Variants in WDR17 observed in about 807,000 individuals in gnomAD.
WDR17 encodes the protein WD repeat-containing protein 17.
A neutral mutation model predicts 161.7 loss-of-function variants in WDR17; 143 were observed. The observed-to-expected ratio is 0.88, with a 90% CI of 0.77 to 1.02. The LOEUF (loss-of-function observed/expected upper bound fraction) is 1.02, where lower values mean the gene tolerates loss of function less well. Ranked by LOEUF, WDR17 falls within the 50% of genes least tolerant of loss-of-function variation. The pLI, the probability that WDR17 is intolerant of heterozygous loss-of-function variation, is 0.00. For synonymous variants in WDR17, 517 were observed against 515.6 expected (o/e 1.00, Z -0.04); for missense variants, 1,469 against 1,520.9 (o/e 0.97, Z 0.57).
At chr4:176,066,648 C>A (rs915642570) in intron 1 of WDR17, among the ~76,000 whole-genome samples, 9 of 152,044 alleles carry the variant, frequency 5.9e-5, no homozygotes, top group African/African-American at 2.4e-5. Context: ...TTGAAAGGAA[C>A]AAACAATTTA....
At chr4:176,082,573 C>T (rs1218589411) in intron 1 of WDR17, among the ~76,000 whole-genome samples, 1 of 152,030 alleles carries the variant, frequency 6.6e-6, no homozygotes, top group African/African-American at 2.4e-5. Context: ...AACCCTTGTC[C>T]TTAACGATCC....
intron 1 of WDR17, among the ~76,000 whole-genome samples, chr4:176,077,891 G>T (rs1397365686): frequency 6.6e-6 from 1 of 152,038 alleles, no homozygotes; most frequent in Non-Finnish European, 1.5e-5. Flanking sequence ...GTCCACAGAA[G>T]AGAAAGGTTC....
intron 5 of WDR17, among the ~76,000 whole-genome samples, chr4:176,128,502 C>T (rs889023776): frequency 2.6e-5 from 4 of 151,794 alleles, no homozygotes; most frequent in Admixed American, 6.6e-5. Flanking sequence ...CAAAACAGGC[C>T]GTTTCTAAAC....
At chr4:176,074,784 C>T (rs888495232) in intron 1 of WDR17, among the ~76,000 whole-genome samples, 1 of 137,106 alleles carries the variant, frequency 7.3e-6, no homozygotes, top group South Asian at 2.4e-4. Context: ...AATAAAAGCT[C>T]TGGGCATGCG....
chr4:176,168,759 A>C lies in WDR17; in HGVS notation c.3078A>C (p.Glu1026Asp), dbSNP rs1750259727. 1 of 1,612,244 alleles carries C rather than the reference A, an allele frequency of 6.2e-7. No individual in the cohort carries two copies. Among genetic ancestry groups the C allele is most frequent in the African/African-American group, 1.3e-5 (1 of 74,870 alleles). ...GTGCTTTCTACCCAGGATGTACTGA[A>C]GAGATAAATGACCTTCATGATAAGG... The part of the protein sequence containing the change: ...KLCAFYPGCT[E>D]EINDLHDKCK... The change falls in exon 23 of 29, where the codon GAA (glutamate) becomes GAC (aspartate). Residue 1026 changes from glutamate to aspartate, a missense_variant. Physicochemically the swap from Glu to Asp is conservative, Grantham distance 45. Transcript: ENST00000508596.
chr4:176,096,837 T>C (rs1185187454), intron 1 of WDR17, among the ~76,000 whole-genome samples: 5 of 151,726 alleles, frequency 3.3e-5, no homozygotes. Flanking sequence ...TCAAATTCTC[T>C]TAGGCTTTAA....
chr4:176,159,825 A>G (rs935268973), intron 18 of WDR17, among the ~76,000 whole-genome samples, 169 bp from the exon 19 acceptor site: 5 of 152,230 alleles, frequency 3.3e-5, no homozygotes, highest in Non-Finnish European at 7.3e-5. Context: ...TACAACTTTT[A>G]TCTGCCTTCC....
chr4:176,100,491 T>C (rs1737646541), intron 1 of WDR17, among the ~76,000 whole-genome samples: 1 of 152,146 alleles, frequency 6.6e-6, no homozygotes, highest in Non-Finnish European at 1.5e-5. Context: ...ATTAGTCCCC[T>C]GTTGGATGAA....
chr4:176,162,154 C>A lies in WDR17; in HGVS notation c.2830C>A (p.Leu944Ile). ...AGCAGTACTAGCCGCATGTTGCCAT[C>A]TTGCCATAGATAATATTGAGGTACG... ...GRAVLAACCH[L>I]AIDNIELAMA... The change falls in exon 21 of 29, where the codon CTT becomes ATT. Residue 944 changes from leucine to isoleucine, a missense_variant. By Grantham distance (5) the Leu-to-Ile change is conservative. Transcript: ENST00000508596. 1 of 1,612,748 alleles carries A rather than the reference C, an allele frequency of 6.2e-7. No individual in the cohort carries two copies. Among genetic ancestry groups the A allele is most frequent in the Non-Finnish European group, 8.5e-7 (1 of 1,179,282 alleles).
chr4:176,148,650 C>T (rs568369096), intron 13 of WDR17, among the ~76,000 whole-genome samples: 1 of 152,290 alleles, frequency 6.6e-6, no homozygotes, highest in East Asian at 1.9e-4. Context: ...GGCATATATA[C>T]ATGTATGGCT....
intron 1 of WDR17, among the ~76,000 whole-genome samples, chr4:176,073,820 C>T (rs1470860064): frequency 1.3e-5 from 2 of 152,092 alleles, no homozygotes; most frequent in Admixed American, 6.5e-5. Context: ...GATGGTATGT[C>T]ATTGTGGTTT....
intron 17 of WDR17, 45 bp from the exon 18 acceptor site, chr4:176,156,034 C>T: frequency 6.3e-7 from 1 of 1,588,784 alleles, no homozygotes; most frequent in Non-Finnish European, 8.6e-7. Flanking sequence ...TTACACAGAG[C>T]AACCAAAATT....
In WDR17 at chr4:176,146,142, C is replaced by T; in HGVS notation, c.1677C>T (p.Cys559=). 1 of 1,613,254 alleles carries T rather than the reference C, an allele frequency of 6.2e-7. No homozygotes were observed. Among genetic ancestry groups the T allele is most frequent in the East Asian group, 2.2e-5 (1 of 44,816 alleles). Residue 559 remains cysteine (C), a synonymous_variant, in exon 12 of 29, where the codon TGC becomes TGT. Coordinates refer to ENST00000508596, the MANE Select transcript of WDR17 (RefSeq NM_181265.4). The part of the protein sequence containing the change: ...KWSPLREGIL[C]SGSDDGTVRI... ...CTCCTCTGAGAGAGGGAATTCTTTG[C>T]AGTGGTTCTGATGATGGGTATGTAT...
At chr4:176,137,375 T>A in intron 8 of WDR17, 145 bp from the exon 9 acceptor site, 3 of 595,862 alleles carry the variant, frequency 5.0e-6, no homozygotes, top group Non-Finnish European at 8.6e-6. Flanking sequence ...TATCTATAAT[T>A]TTATACAGTT....
At chr4:176,072,745 C>G (rs979536212) in intron 1 of WDR17, among the ~76,000 whole-genome samples, 1 of 152,146 alleles carries the variant, frequency 6.6e-6, no homozygotes, top group Non-Finnish European at 1.5e-5. Context: ...ACTTTAAACA[C>G]TGACATTTCA....
intron 6 of WDR17, 115 bp from the exon 7 acceptor site, chr4:176,131,439 T>A: frequency 9.7e-7 from 1 of 1,028,602 alleles, no homozygotes; most frequent in South Asian, 1.9e-5. Flanking sequence ...GAATATATGA[T>A]CATTGCCTAA....
intron 1 of WDR17, among the ~76,000 whole-genome samples, chr4:176,085,892 T>C (rs191885566): frequency 6.6e-6 from 1 of 152,176 alleles, no homozygotes; most frequent in East Asian, 1.9e-4. Context: ...CTTTGACTTT[T>C]CTTCCTTTTC....
chr4:176,132,146 C>T (rs765298937), intron 7 of WDR17, among the ~76,000 whole-genome samples: 2 of 151,984 alleles, frequency 1.3e-5, no homozygotes, highest in African/African-American at 4.8e-5. Context: ...ATTGTTGAAT[C>T]GCTATGATAC....
At chr4:176,130,724 A>C (rs12505375) in intron 6 of WDR17, among the ~76,000 whole-genome samples, 1 of 150,740 alleles carries the variant, frequency 6.6e-6, no homozygotes, top group Non-Finnish European at 1.5e-5. Context: ...CAGCCCGGGC[A>C]ACAGAGCGAG....
Sources: allele counts gnomAD v4.1 joint callset (sites outside exome capture counted in the v4.1 genomes callset), GRCh38; gene constraint gnomAD v4.1.1; transcripts MANE v1.5; gene names NCBI Gene and HGNC (gene_info 2026-07-23, HGNC 2026-07-21).